The following RORA variants were observed in gnomAD, a reference collection of about 807,000 sequenced individuals.
RORA encodes nuclear receptor ROR-alpha.
Under a neutral mutation model 69.5 loss-of-function variants are expected in RORA, and 7 were observed. The ratio of observed to expected loss-of-function variants is 0.10; its 90% CI spans 0.06 to 0.19. RORA has a LOEUF of 0.19. Ranked by LOEUF, RORA falls within the 10% of genes least tolerant of loss-of-function variation. The pLI, the probability that RORA is intolerant of heterozygous loss-of-function variation, is 1.00. For synonymous variants in RORA, 261 were observed against 240.8 expected (o/e 1.08, Z -0.78); for missense variants, 457 against 663.0 (o/e 0.69, Z 3.41).
At chr15:60,644,418 C>T (rs1284728416) in intron 2 of RORA, among the ~76,000 whole-genome samples, 2 of 152,208 alleles carry the variant, frequency 1.3e-5, no homozygotes, top group Non-Finnish European at 2.9e-5. Context: ...GCCCCAGATA[C>T]GTCTCTTCTT....
At chr15:61,167,964 T>G (rs1321465021) in intron 1 of RORA, among the ~76,000 whole-genome samples, 4 of 152,192 alleles carry the variant, frequency 2.6e-5, no homozygotes, top group Non-Finnish European at 2.9e-5. Context: ...TATCCCCTGA[T>G]GTTCACCTAC....
chr15:61,037,091 C>T (rs1441810263), intron 1 of RORA, among the ~76,000 whole-genome samples: 3 of 152,164 alleles, frequency 2.0e-5, no homozygotes, highest in Non-Finnish European at 4.4e-5. Context: ...CCTAGCTCCT[C>T]TACTTCCTAG....
intron 1 of RORA, among the ~76,000 whole-genome samples, chr15:61,024,270 C>CTTTT (rs34008494): frequency 0.028 from 2,194 of 79,202 alleles, 24 homozygotes; most frequent in Non-Finnish European, 0.038. Flanking sequence ...TCTTGGATCT[C>CTTTT]TTTTTTTTTT....
At chr15:60,736,713 A>G (rs1236896225) in intron 1 of RORA, 2 of 152,088 alleles carry the variant, frequency 1.3e-5, no homozygotes, top group Non-Finnish European at 2.9e-5. Context: ...AACACTCTCT[A>G]CCTTGCTCAG....
At chr15:60,927,192 T>C (rs1892243961) in intron 1 of RORA, among the ~76,000 whole-genome samples, 1 of 152,100 alleles carries the variant, frequency 6.6e-6, no homozygotes, top group African/African-American at 2.4e-5. Flanking sequence ...GCTCAACACA[T>C]GTGGACCAGT....
At chr15:61,099,184 G>A (rs1478825204) in intron 1 of RORA, among the ~76,000 whole-genome samples, 1 of 152,152 alleles carries the variant, frequency 6.6e-6, no homozygotes, top group African/African-American at 2.4e-5. Flanking sequence ...TCTAATTACG[G>A]TTTACCCCAG....
At chr15:60,641,172 G>A (rs891171491) in intron 2 of RORA, among the ~76,000 whole-genome samples, 7 of 152,096 alleles carry the variant, frequency 4.6e-5, no homozygotes, top group Non-Finnish European at 1.0e-4. Context: ...GGATGGTCTC[G>A]AACTCCTGGC....
intron 2 of RORA, among the ~76,000 whole-genome samples, chr15:60,567,394 CATTATT>C (rs771357639): frequency 1.0e-3 from 153 of 149,468 alleles, no homozygotes; most frequent in South Asian, 5.9e-3. Flanking sequence ...CTTTTATTAT[CATTATT>C]ATTATTATTA....
chr15:61,125,836 TC>T (rs1466499674), intron 1 of RORA, among the ~76,000 whole-genome samples: 1 of 152,138 alleles, frequency 6.6e-6, no homozygotes, highest in African/African-American at 2.4e-5. Context: ...ATTAGCACAT[TC>T]TTAAAAAATC....
In RORA at chr15:60,949,389, A is replaced by C. The variant is rs1893009948; in HGVS notation, c.167-270703T>G. The stretch of plus-strand genomic sequence containing the variant: ...CTCAATATGGAGCTAAAGTGGAAAA[A>C]AACTCAGCACGTAAAAATAAACTGC... On this transcript the variant is annotated intron_variant, in intron 1 of 10. Coordinates refer to ENST00000335670, the MANE Select transcript of RORA (RefSeq NM_134261.3). Among the ~76,000 whole-genome samples, 7 of 152,160 alleles carry C rather than the reference A, an allele frequency of 4.6e-5. No individual in the cohort carries two copies. In the South Asian group the frequency reaches 1.5e-3, roughly 32 times the overall value.
intron 1 of RORA, among the ~76,000 whole-genome samples, chr15:60,858,692 T>TACACACACACACACACACACAC (rs3053884): frequency 9.1e-5 from 13 of 142,918 alleles, no homozygotes; most frequent in African/African-American, 2.1e-4. Flanking sequence ...AGAAAGAAAA[T>TACACACACACACACACACACAC]ACACACACAC....
chr15:60,650,956 A>G (rs957600964), intron 2 of RORA, among the ~76,000 whole-genome samples: 1 of 152,166 alleles, frequency 6.6e-6, no homozygotes, highest in Non-Finnish European at 1.5e-5. Flanking sequence ...AATACATAGA[A>G]AAGCTAAGAT....
intron 1 of RORA, among the ~76,000 whole-genome samples, chr15:61,119,095 G>A (rs2079078161): frequency 2.0e-5 from 3 of 147,736 alleles, no homozygotes; most frequent in Non-Finnish European, 3.0e-5. Flanking sequence ...GGGGGGGGGC[G>A]CCATGGAGCA....
At chr15:61,098,925 A>G (rs575094352) in intron 1 of RORA, among the ~76,000 whole-genome samples, 8 of 152,332 alleles carry the variant, frequency 5.3e-5, no homozygotes, top group African/African-American at 1.9e-4. Flanking sequence ...GTTCTACTGA[A>G]TACTTCCAAA....
intron 1 of RORA, among the ~76,000 whole-genome samples, chr15:61,174,321 G>A (rs1170011067): frequency 2.0e-5 from 3 of 152,188 alleles, no homozygotes; most frequent in African/African-American, 7.2e-5. Context: ...GTTTCACCCA[G>A]TAAGCTCTTT....
chr15:60,515,464 A>G (rs1429714053), intron 3 of RORA, among the ~76,000 whole-genome samples: 1 of 152,156 alleles, frequency 6.6e-6, no homozygotes, highest in Non-Finnish European at 1.5e-5. Context: ...TTGGGAAATG[A>G]GAGGGGATAC....
At chr15:60,833,921 C>A in intron 1 of RORA, among the ~76,000 whole-genome samples, 1 of 152,144 alleles carries the variant, frequency 6.6e-6, no homozygotes, top group East Asian at 1.9e-4. Flanking sequence ...TGCCTTTGCA[C>A]CATGAGGTTG....
chr15:61,160,078 T>G (rs2079481265), intron 1 of RORA, among the ~76,000 whole-genome samples: 1 of 152,144 alleles, frequency 6.6e-6, no homozygotes, highest in African/African-American at 2.4e-5. Context: ...AACACCTACA[T>G]CAAAAGGTTG....
At chr15:60,730,502 A>G (rs1293903801) in intron 1 of RORA, among the ~76,000 whole-genome samples, 1 of 152,248 alleles carries the variant, frequency 6.6e-6, no homozygotes, top group Non-Finnish European at 1.5e-5. Context: ...AGTATGTAGA[A>G]TACAAATCAA....
Sources: gnomAD v4.1 joint callset for allele counts (sites outside exome capture counted in the v4.1 genomes callset) on GRCh38, gnomAD v4.1.1 for gene constraint, MANE v1.5 for transcripts, NCBI Gene and HGNC (gene_info 2026-07-23, HGNC 2026-07-21) for gene names.